Variants in CCNYL1 observed in about 807,000 individuals in gnomAD.
CCNYL1 encodes cyclin Y like 1, also known as cyclin-Y-like protein 1.
A neutral mutation model predicts 44.2 loss-of-function variants in CCNYL1; 16 were observed. The ratio of observed to expected loss-of-function variants is 0.36; its 90% CI spans 0.25 to 0.55. The LOEUF is 0.55. Among genes scored for constraint, CCNYL1 ranks in the 20% least tolerant of loss-of-function variants. The pLI, the probability that CCNYL1 is intolerant of heterozygous loss-of-function variation, is 0.85. For synonymous variants in CCNYL1, 159 were observed against 163.2 expected (o/e 0.97, Z 0.20); for missense variants, 348 against 451.8 (o/e 0.77, Z 2.08).
rs149612544 is a variant in CCNYL1, at chr2:207,744,053, A to G, written c.639+1711A>G. Among the ~76,000 whole-genome samples the G allele has an allele frequency of 1.8e-4, 27 of 152,334 alleles. No homozygotes were observed. In the East Asian group the frequency reaches 5.2e-3, roughly 29 times the overall value. ...TCAGGTAGTGGTAAGTAGCAAGAAGATGAAGCAGCATAAAGGGATACAGAG... is the reference window on the plus strand; with the variant it reads ...TCAGGTAGTGGTAAGTAGCAAGAAGGTGAAGCAGCATAAAGGGATACAGAG... On this transcript the variant is annotated intron_variant, in intron 7 of 9. Coordinates refer to ENST00000295414, the MANE Select transcript of CCNYL1 (RefSeq NM_001330218.2).
intron 1 of CCNYL1, among the ~76,000 whole-genome samples, chr2:207,720,152 C>T (rs2091629282): frequency 7.6e-6 from 1 of 132,348 alleles, no homozygotes; most frequent in Admixed American, 8.6e-5. Flanking sequence ...CATGCCACTG[C>T]ACTCCAGCCT....
intron 3 of CCNYL1, among the ~76,000 whole-genome samples, chr2:207,733,226 T>C (rs558001635): frequency 1.3e-5 from 2 of 152,352 alleles, no homozygotes; most frequent in South Asian, 2.1e-4. Flanking sequence ...AAATAACTTA[T>C]AGAATAAAAT....
At chr2:207,750,800 T>G (rs62189213) in intron 8 of CCNYL1, 157 bp from the exon 9 acceptor site, 8,532 of 627,100 alleles carry the variant, frequency 0.014, 100 homozygotes, top group Middle Eastern at 0.044. Context: ...CAAGTAACTG[T>G]ACCTTATGTG....
At chr2:207,737,288 T>G in intron 4 of CCNYL1, 123 bp from the exon 5 acceptor site, 1 of 741,202 alleles carries the variant, frequency 1.3e-6, no homozygotes, top group African/African-American at 1.8e-5. Context: ...TATGGTACTG[T>G]TCTGAACTAG....
intron 9 of CCNYL1, among the ~76,000 whole-genome samples, chr2:207,752,124 G>C (rs913247292): frequency 1.3e-4 from 20 of 151,222 alleles, no homozygotes; most frequent in African/African-American, 4.4e-4. Context: ...CTTACTTACT[G>C]TTTGCAAATT....
Position 207,747,029 on chromosome 2 carries a change from C to G in CCNYL1, c.640-18C>G. 1 of 1,597,452 alleles carries G rather than the reference C, an allele frequency of 6.3e-7. No homozygotes were observed. Among genetic ancestry groups the G allele is most frequent in the Non-Finnish European group, 8.6e-7 (1 of 1,168,252 alleles). The stretch of plus-strand genomic sequence containing the variant: ...TTTAAACTGAACTAAAATCAAAGAC[C>G]AGTGCTCTATTTTACAGGTTTACTT... On this transcript the variant is annotated intron_variant, in intron 7 of 9. Coordinates refer to ENST00000295414, the MANE Select transcript of CCNYL1 (RefSeq NM_001330218.2).
At chr2:207,722,512 C>T (rs1385560054) in intron 1 of CCNYL1, among the ~76,000 whole-genome samples, 1 of 151,052 alleles carries the variant, frequency 6.6e-6, no homozygotes, top group African/African-American at 2.4e-5. Flanking sequence ...CTTAATTTTC[C>T]TGGACTTCAT....
intron 8 of CCNYL1, among the ~76,000 whole-genome samples, chr2:207,748,452 G>C (rs935295188): frequency 6.6e-6 from 1 of 152,298 alleles, no homozygotes; most frequent in South Asian, 2.1e-4. Flanking sequence ...GGCTGGCCTC[G>C]TGTCGGCCGT....
chr2:207,717,906 C>T (rs200930268), intron 1 of CCNYL1, among the ~76,000 whole-genome samples: 9 of 138,932 alleles, frequency 6.5e-5, no homozygotes, highest in Non-Finnish European at 1.2e-4. Context: ...ATTTTTAATT[C>T]TTTTTTTTTT....
chr2:207,751,329 C>T (rs769084140), intron 9 of CCNYL1, among the ~76,000 whole-genome samples: 1 of 152,240 alleles, frequency 6.6e-6, no homozygotes, highest in Non-Finnish European at 1.5e-5. Context: ...CATATTAACT[C>T]TTCTGTGACC....
chr2:207,740,551 A>C (rs2091800882), intron 5 of CCNYL1, 104 bp from the exon 6 acceptor site: 1 of 755,992 alleles, frequency 1.3e-6, no homozygotes, highest in African/African-American at 1.7e-5. Context: ...TGAAGCAAAC[A>C]CCAAAGCAAA....
chr2:207,727,737 G>T (rs1034666129), intron 3 of CCNYL1, among the ~76,000 whole-genome samples: 1 of 152,064 alleles, frequency 6.6e-6, no homozygotes, highest in Non-Finnish European at 1.5e-5. Flanking sequence ...TTTTTCCTAA[G>T]ACTGTTCTGT....
intron 2 of CCNYL1, 63 bp from the exon 3 acceptor site, chr2:207,726,779 G>T: frequency 9.6e-7 from 1 of 1,036,314 alleles, no homozygotes. Context: ...CAGATGATTA[G>T]CAACTACTTT....
intron 9 of CCNYL1, among the ~76,000 whole-genome samples, chr2:207,751,854 C>CAAAA (rs147183127): frequency 3.2e-5 from 3 of 94,538 alleles, no homozygotes; most frequent in Non-Finnish European, 6.7e-5. Context: ...AACTCCATCT[C>CAAAA]AAAAAAAAAA....
intron 2 of CCNYL1, 90 bp downstream of exon 2, chr2:207,724,964 T>C: frequency 2.0e-6 from 2 of 991,332 alleles, no homozygotes; most frequent in Non-Finnish European, 2.9e-6. Context: ...TTAGAAGAAC[T>C]GATGTATTAG....
chr2:207,727,680 A>G (rs1039915467), intron 3 of CCNYL1, among the ~76,000 whole-genome samples: 6 of 152,098 alleles, frequency 3.9e-5, no homozygotes, highest in African/African-American at 1.4e-4. Flanking sequence ...TTTCTCTTGG[A>G]GACAGCTTTC....
chr2:207,738,801 C>T (rs963641879), intron 5 of CCNYL1, among the ~76,000 whole-genome samples: 1 of 152,020 alleles, frequency 6.6e-6, no homozygotes, highest in African/African-American at 2.4e-5. Flanking sequence ...CTCACTGCAA[C>T]CTCCGCCTCC....
chr2:207,731,715 A>T (rs1251058100), intron 3 of CCNYL1, among the ~76,000 whole-genome samples: 1 of 151,924 alleles, frequency 6.6e-6, no homozygotes, highest in Non-Finnish European at 1.5e-5. Flanking sequence ...GTCTCAAGAG[A>T]TATAGTGATA....
rs60004559 is a variant in CCNYL1, at chr2:207,714,312, CTTTTTTTTTTT to C, written c.220+2212_220+2222del. ...CGATTCAGAGGCAACACTTACATCT[CTTTTTTTTTTT>C]TTTTTTTTTTTTTTTAAGAGAAAGA... On this transcript the variant is annotated intron_variant, in intron 1 of 9. Coordinates refer to ENST00000295414, the MANE Select transcript of CCNYL1 (RefSeq NM_001330218.2). 107 of 310,020 alleles carry C rather than the reference CTTTTTTTTTTT, an allele frequency of 3.5e-4. No homozygotes were observed. The East Asian group carries it at 8.5e-3, about 25-fold the overall frequency. The allele number at this position is 310,020 out of a possible 1,614,324, so 19.2% of individuals were successfully genotyped here.
Sources: allele counts gnomAD v4.1 joint callset (sites outside exome capture counted in the v4.1 genomes callset), GRCh38; gene constraint gnomAD v4.1.1; transcripts MANE v1.5; gene names NCBI Gene and HGNC (gene_info 2026-07-23, HGNC 2026-07-21).